PXDNL: variants seen among roughly 807,000 people sequenced by gnomAD.
PXDNL encodes peroxidasin like.
A neutral mutation model predicts 150.8 loss-of-function variants in PXDNL; 145 were observed. The ratio of observed to expected loss-of-function variants is 0.96; its 90% CI spans 0.84 to 1.10. PXDNL has a LOEUF of 1.10. PXDNL is among the 50% of genes least tolerant of loss of function. The probability of loss-of-function intolerance (pLI) is 0.00; values close to 1 mark genes in which losing one functional copy is unlikely to be tolerated. For synonymous variants in PXDNL, 757 were observed against 725.7 expected (o/e 1.04, Z -0.69); for missense variants, 2,087 against 1,873.9 (o/e 1.11, Z -2.10).
intron 12 of PXDNL, among the ~76,000 whole-genome samples, chr8:51,441,004 T>G (rs1486048943): frequency 6.6e-6 from 1 of 152,212 alleles, no homozygotes; most frequent in Non-Finnish European, 1.5e-5. Flanking sequence ...GGTTTGGTTC[T>G]GTGTCCCCAC....
At chr8:51,752,364 T>G (rs2130978496) in intron 1 of PXDNL, among the ~76,000 whole-genome samples, 1 of 152,240 alleles carries the variant, frequency 6.6e-6, no homozygotes, top group East Asian at 1.9e-4. Flanking sequence ...TAAGAATTCC[T>G]TCATTATCTT....
chr8:51,654,145 G>A (rs1032347698), intron 2 of PXDNL, among the ~76,000 whole-genome samples: 7 of 152,170 alleles, frequency 4.6e-5, no homozygotes, highest in Non-Finnish European at 1.0e-4. Flanking sequence ...ACTGTTAAGT[G>A]AATAAAATAA....
intron 17 of PXDNL, among the ~76,000 whole-genome samples, chr8:51,392,269 T>G (rs538889256): frequency 5.6e-4 from 85 of 152,358 alleles, no homozygotes; most frequent in Non-Finnish European, 8.1e-4. Flanking sequence ...TTTCCACTTC[T>G]GTGAAGAAAG....
At chr8:51,494,580 A>G (rs942979972) in intron 5 of PXDNL, among the ~76,000 whole-genome samples, 20 of 152,194 alleles carry the variant, frequency 1.3e-4, no homozygotes, top group African/African-American at 4.1e-4. Context: ...AAGGGATGGA[A>G]GAAGATCTAC....
chr8:51,573,572 C>G (rs1339527003), intron 3 of PXDNL, among the ~76,000 whole-genome samples: 1 of 151,996 alleles, frequency 6.6e-6, no homozygotes, highest in Non-Finnish European at 1.5e-5. Flanking sequence ...CCCGCACTCC[C>G]AACTCCAACT....
intron 2 of PXDNL, among the ~76,000 whole-genome samples, chr8:51,619,646 T>A (rs1264706412): frequency 6.6e-6 from 1 of 152,212 alleles, no homozygotes. Flanking sequence ...TCCAGCCATG[T>A]AAGGCATGCC....
intron 19 of PXDNL, among the ~76,000 whole-genome samples, chr8:51,346,904 T>C (rs552685318): frequency 6.6e-6 from 1 of 152,302 alleles, no homozygotes; most frequent in South Asian, 2.1e-4. Context: ...GGGTATTTTT[T>C]ATAGCAATGC....
chr8:51,756,734 T>C (rs1466480167), intron 1 of PXDNL, among the ~76,000 whole-genome samples: 1 of 152,164 alleles, frequency 6.6e-6, no homozygotes, highest in African/African-American at 2.4e-5. Context: ...TTTCTCTCAC[T>C]TCATTATGCA....
intron 1 of PXDNL, among the ~76,000 whole-genome samples, chr8:51,741,226 G>T (rs1223997259): frequency 6.6e-6 from 1 of 152,128 alleles, no homozygotes; most frequent in Non-Finnish European, 1.5e-5. Context: ...TATGTGTCCA[G>T]TAATTTATCA....
chr8:51,381,240 G>C (rs1271984323), intron 17 of PXDNL, among the ~76,000 whole-genome samples: 1 of 152,162 alleles, frequency 6.6e-6, no homozygotes, highest in Non-Finnish European at 1.5e-5. Flanking sequence ...CACTAGGTTT[G>C]ATTGAAGAGC....
chr8:51,622,005 A>C (rs1233942281), intron 2 of PXDNL, among the ~76,000 whole-genome samples: 2 of 151,524 alleles, frequency 1.3e-5, no homozygotes, highest in Non-Finnish European at 2.9e-5. Flanking sequence ...CAGTTGACTG[A>C]TTAACTGGGT....
Position 51,339,722 on chromosome 8 carries a change from C to T in PXDNL, c.4048G>A (p.Ala1350Thr). The T allele has an allele frequency of 1.2e-6, 2 of 1,613,140 alleles. No individual in the cohort carries two copies. The highest frequency in any genetic ancestry group is 1.7e-6 in the Non-Finnish European group (2 of 1,179,600). ...TTTGCCAGAACTGTCACATTTCTAGCATCTTCACCCACATATATTTTATCT... is the reference window on the plus strand; with the variant it reads ...TTTGCCAGAACTGTCACATTTCTAGTATCTTCACCCACATATATTTTATCT... ...QQDKIYVGED[A>T]RNVTVLAKTK... is the part of the protein sequence containing the mutation. Residue 1350 changes from alanine to threonine, a missense_variant, in exon 21 of 23, where the codon GCT becomes ACT. Ala to Thr is a moderately conservative substitution (Grantham distance 58). Coordinates refer to ENST00000356297, the MANE Select transcript of PXDNL (RefSeq NM_144651.5).
rs1342465904 is a variant in PXDNL, at chr8:51,447,155, C to T, written c.1374G>A (p.Gln458=). The T allele has an allele frequency of 3.7e-6, 6 of 1,613,322 alleles. No homozygotes were observed. Among genetic ancestry groups the T allele is most frequent in the Non-Finnish European group, 4.2e-6 (5 of 1,179,542 alleles). Residue 458 remains glutamine (Q), a synonymous_variant, in exon 12 of 23, where the codon CAG becomes CAA. Coordinates refer to ENST00000356297, the MANE Select transcript of PXDNL (RefSeq NM_144651.5). The stretch of plus-strand genomic sequence containing the variant: ...CTGTATGCTGGCCTTCCACAGGGAG[C>T]TGCCCTCCTGCAAAAAGAGGTAAAG... The part of the protein sequence containing the change: ...PVIVWTKTGG[Q]LPVEGQHTVL...
At chr8:51,779,060 T>C (rs922095615) in intron 1 of PXDNL, among the ~76,000 whole-genome samples, 2 of 152,196 alleles carry the variant, frequency 1.3e-5, no homozygotes, top group African/African-American at 4.8e-5. Context: ...TATCCACTGA[T>C]AACCATAAAC....
intron 3 of PXDNL, among the ~76,000 whole-genome samples, chr8:51,572,813 C>CGCATAAAGTAAAAATGCTCAGAAGT (rs1281358769): frequency 6.6e-6 from 1 of 151,776 alleles, no homozygotes; most frequent in African/African-American, 2.4e-5. Flanking sequence ...CACACACACA[C>CGCATAAAGTAAAAATGCTCAGAAGT]GCATAAAGTA....
intron 2 of PXDNL, among the ~76,000 whole-genome samples, chr8:51,624,099 CAAAAA>C (rs59841822): frequency 9.0e-4 from 72 of 79,616 alleles, no homozygotes; most frequent in Middle Eastern, 0.012. Context: ...TCTCAAATTA[CAAAAA>C]AAAAAAAAAA....
chr8:51,764,686 A>T (rs919271422), intron 1 of PXDNL, among the ~76,000 whole-genome samples: 2 of 152,172 alleles, frequency 1.3e-5, no homozygotes, highest in Non-Finnish European at 2.9e-5. Flanking sequence ...GTATTATTTC[A>T]GTCCTTTTTA....
chr8:51,498,058 T>C (rs889547818), intron 5 of PXDNL, among the ~76,000 whole-genome samples: 10 of 151,930 alleles, frequency 6.6e-5, no homozygotes, highest in African/African-American at 2.2e-4. Context: ...TAGACTGGAT[T>C]AAGAAAATAT....
intron 1 of PXDNL, among the ~76,000 whole-genome samples, chr8:51,714,744 C>CA (rs1284819609): frequency 6.6e-6 from 1 of 152,094 alleles, no homozygotes; most frequent in East Asian, 1.9e-4. Flanking sequence ...TAAAGTAAAA[C>CA]AAATCTCCTG....
Sources: gnomAD v4.1 joint callset for allele counts (sites outside exome capture counted in the v4.1 genomes callset) on GRCh38, gnomAD v4.1.1 for gene constraint, MANE v1.5 for transcripts, NCBI Gene and HGNC (gene_info 2026-07-23, HGNC 2026-07-21) for gene names.